RIC1: variants seen among roughly 807,000 people sequenced by gnomAD.
RIC1 encodes the protein RIC1 partner of RAB6A GEF complex, also known as guanine nucleotide exchange factor subunit RIC1.
A neutral mutation model predicts 169.0 loss-of-function variants in RIC1; 88 were observed. The ratio of observed to expected loss-of-function variants is 0.52; its 90% CI spans 0.44 to 0.62. The LOEUF is 0.62. RIC1 is among the 20% of genes least tolerant of loss of function. The pLI is 0.00. For synonymous variants in RIC1, 790 were observed against 601.5 expected, an observed-to-expected ratio of 1.31 and a Z score of -4.59; for missense variants, 1,877 against 1,725.5, an observed-to-expected ratio of 1.09 and a Z score of -1.56.
chr9:5,737,017 C>T (rs1048684817), intron 7 of RIC1, among the ~76,000 whole-genome samples: 2 of 151,468 alleles, frequency 1.3e-5, no homozygotes, highest in Admixed American at 1.3e-4. Context: ...AGTCATAAAC[C>T]AGTGTCATCC....
intron 23 of RIC1, 51 bp downstream of exon 23, chr9:5,770,329 T>C: frequency 6.8e-7 from 1 of 1,462,826 alleles, no homozygotes; most frequent in Non-Finnish European, 9.5e-7. Flanking sequence ...AGAAAATTTA[T>C]GTGCTATAGC....
chr9:5,753,942 T>C (rs1350569468), intron 14 of RIC1, among the ~76,000 whole-genome samples: 1 of 152,204 alleles, frequency 6.6e-6, no homozygotes, highest in African/African-American at 2.4e-5. Context: ...GTTTATCTGA[T>C]GTGATCAGAA....
rs192816943 is a variant in RIC1 at position 5,677,259 on chromosome 9, C to A, written c.253-12700C>A. The stretch of plus-strand genomic sequence containing the variant: ...GATATCTCATTATAATTTTAACTTG[C>A]ATTTTTCTAATAACTAATGATGTTG... On this transcript the variant is annotated intron_variant, in intron 2 of 25. Transcript: ENST00000414202. Among the ~76,000 whole-genome samples the A allele has an allele frequency of 3.7e-3, 562 of 152,224 alleles. 1 individual carries two copies. The highest frequency in any genetic ancestry group is 0.013 in the African/African-American group (524 of 41,542).
chr9:5,729,444 T>G (rs527812497), intron 6 of RIC1, among the ~76,000 whole-genome samples: 2 of 152,288 alleles, frequency 1.3e-5, no homozygotes, highest in South Asian at 4.1e-4. Flanking sequence ...CAACTTAAAT[T>G]TAGACGTTTC....
intron 6 of RIC1, among the ~76,000 whole-genome samples, chr9:5,723,211 A>C (rs2130879466): frequency 6.6e-6 from 1 of 152,338 alleles, no homozygotes; most frequent in Middle Eastern, 3.4e-3. Flanking sequence ...CATCCTCTCC[A>C]GGACCTATTG....
chr9:5,673,896 G>A (rs556948924), intron 2 of RIC1, among the ~76,000 whole-genome samples: 1 of 151,998 alleles, frequency 6.6e-6, no homozygotes, highest in African/African-American at 2.4e-5. Flanking sequence ...CAACATTTGT[G>A]ATAAAATAAT....
At chr9:5,672,075 C>T (rs373789403) in intron 2 of RIC1, among the ~76,000 whole-genome samples, 1 of 152,166 alleles carries the variant, frequency 6.6e-6, no homozygotes, top group African/African-American at 2.4e-5. Context: ...GAAGCCGGCC[C>T]TTCTACTCAG....
intron 1 of RIC1, among the ~76,000 whole-genome samples, chr9:5,646,821 C>T (rs1818542420): frequency 6.6e-6 from 1 of 152,144 alleles, no homozygotes; most frequent in African/African-American, 2.4e-5. Context: ...TTGATGAAGT[C>T]TGTCTTACCT....
At chr9:5,713,751 A>T (rs1277563649) in intron 3 of RIC1, 145 bp from the exon 4 acceptor site, 6 of 511,436 alleles carry the variant, frequency 1.2e-5, no homozygotes, top group African/African-American at 1.9e-5. Context: ...AATAGAATTT[A>T]AGTCTGTTTT....
intron 16 of RIC1, among the ~76,000 whole-genome samples, chr9:5,756,806 AAAATCAGCAGTGTTGTTGCT>A (rs1410083277): frequency 6.6e-6 from 1 of 152,218 alleles, no homozygotes; most frequent in African/African-American, 2.4e-5. Context: ...GGGGCAGTAA[AAAATCAGCAGTGTTGTTGCT>A]GCTGCACGTT....
At chr9:5,727,145 G>A (rs1480391831) in intron 6 of RIC1, among the ~76,000 whole-genome samples, 1 of 152,200 alleles carries the variant, frequency 6.6e-6, no homozygotes, top group East Asian at 1.9e-4. Flanking sequence ...ATCCTGCAGA[G>A]TGTTTTCCAA....
rs1817618157 is a variant in RIC1, at chr9:5,629,602, T to C, written c.144+149T>C. On this transcript the variant is annotated intron_variant, in intron 1 of 25. Coordinates refer to ENST00000414202, the MANE Select transcript of RIC1 (RefSeq NM_020829.4). ...AGTCCGCGTCCTCGTTCCACCGAAT[T>C]GGCCGCAGGTACCCGCCGGCTGCAG... The C allele has an allele frequency of 4.4e-6, 4 of 903,208 alleles. No individual in the cohort carries two copies. The South Asian group carries it at 6.3e-5, about 14-fold the overall frequency. 55.9% of individuals were successfully genotyped at this position (903,208 alleles called of 1,614,324 possible). A position where few individuals can be genotyped will look rare whatever the true frequency, so the allele number is the denominator to read the frequency against.
chr9:5,752,445 T>C (rs1347819750), intron 12 of RIC1, among the ~76,000 whole-genome samples: 1 of 143,600 alleles, frequency 7.0e-6, no homozygotes, highest in African/African-American at 2.5e-5. Context: ...TTTTTTTTTG[T>C]TTTTTTTTTT....
At chr9:5,738,566 T>G in intron 8 of RIC1, 28 bp downstream of exon 8, 4 of 1,145,924 alleles carry the variant, frequency 3.5e-6, no homozygotes, top group Non-Finnish European at 4.9e-6. Context: ...TTTTTTTTTT[T>G]AACATTTTTA....
intron 1 of RIC1, among the ~76,000 whole-genome samples, chr9:5,646,616 T>G (rs1331066997): frequency 6.6e-6 from 1 of 152,186 alleles, no homozygotes; most frequent in Non-Finnish European, 1.5e-5. Flanking sequence ...AGCCAAGGTG[T>G]GTAGTAGGCC....
At chr9:5,710,728 A>T (rs1270207265) in intron 3 of RIC1, among the ~76,000 whole-genome samples, 3 of 152,198 alleles carry the variant, frequency 2.0e-5, no homozygotes, top group African/African-American at 7.2e-5. Context: ...TAACAACCTT[A>T]GACAGATTTT....
intron 2 of RIC1, among the ~76,000 whole-genome samples, chr9:5,661,307 G>A (rs1819434212): frequency 6.6e-6 from 1 of 152,124 alleles, no homozygotes; most frequent in African/African-American, 2.4e-5. Flanking sequence ...GATTGCCTTG[G>A]CTATTCGGAC....
In RIC1 at chr9:5,763,105, G is replaced by C. The variant is rs756621890; in HGVS notation, c.2113-35G>C. 6.3e-7 allele frequency: 1 copy of C among 1,594,088 alleles called. No individual in the cohort carries two copies. The highest frequency in any genetic ancestry group is 1.1e-5 in the South Asian group (1 of 87,952). ...AACTTAAGAACCTGCAGATTTAATAGGAAAACAACTTGATTCTTGTCTCTC... is the reference window on the plus strand; with the variant it reads ...AACTTAAGAACCTGCAGATTTAATACGAAAACAACTTGATTCTTGTCTCTC... On this transcript the variant is annotated intron_variant, in intron 18 of 25. Transcript: ENST00000414202. The surrounding 1 kb of genome is among the most constrained non-coding windows in gnomAD (Gnocchi z 5.2).
chr9:5,685,706 A>G (rs929248100), intron 2 of RIC1, among the ~76,000 whole-genome samples: 13 of 151,270 alleles, frequency 8.6e-5, no homozygotes, highest in Admixed American at 2.6e-4. Context: ...CATTCAGGAC[A>G]TAGGCATGGG....
Sources: allele counts gnomAD v4.1 joint callset (sites outside exome capture counted in the v4.1 genomes callset), GRCh38; gene constraint gnomAD v4.1.1; non-coding constraint Gnocchi (gnomAD v3.1); transcripts MANE v1.5; gene names NCBI Gene and HGNC (gene_info 2026-07-23, HGNC 2026-07-21).